RALGAPA2: variants seen among roughly 807,000 people sequenced by gnomAD.
RALGAPA2 encodes Ral GTPase activating protein catalytic subunit alpha 2.
A neutral mutation model predicts 230.4 loss-of-function variants in RALGAPA2; 139 were observed. The ratio of observed to expected loss-of-function variants is 0.60; its 90% CI spans 0.53 to 0.69. The LOEUF (loss-of-function observed/expected upper bound fraction) is 0.69. Among genes scored for constraint, RALGAPA2 ranks in the 30% least tolerant of loss-of-function variants. The pLI is 0.00. For synonymous variants in RALGAPA2, 847 were observed against 837.8 expected (o/e 1.01, Z -0.19); for missense variants, 2,163 against 2,276.0 (o/e 0.95, Z 1.01).
At chr20:20,483,458 G>A (rs757467574) in intron 36 of RALGAPA2, among the ~76,000 whole-genome samples, 8 of 152,194 alleles carry the variant, frequency 5.3e-5, no homozygotes, top group Non-Finnish European at 1.0e-4. Context: ...TTCCATGTAA[G>A]TGCCTGGCCA....
chr20:20,441,291 A>G (rs2060733334), intron 37 of RALGAPA2, among the ~76,000 whole-genome samples: 1 of 152,252 alleles, frequency 6.6e-6, no homozygotes, highest in Non-Finnish European at 1.5e-5. Flanking sequence ...AGAAAATGAA[A>G]GAGAAGGAAA....
At chr20:20,676,336 A>C (rs769245707) in intron 2 of RALGAPA2, 48 bp from the exon 3 acceptor site, 2 of 1,273,376 alleles carry the variant, frequency 1.6e-6, no homozygotes, top group South Asian at 1.3e-5. Context: ...TTTAAACTTC[A>C]GGACACTACA....
intron 23 of RALGAPA2, among the ~76,000 whole-genome samples, chr20:20,552,453 G>A (rs1406524932): frequency 6.6e-6 from 1 of 152,152 alleles, no homozygotes; most frequent in East Asian, 1.9e-4. Context: ...ATTCATCACT[G>A]TTTTTTAGAG....
In RALGAPA2 at chr20:20,461,831, C is replaced by T. The variant is rs1051920116; in HGVS notation, c.5495+10998G>A. 2.1e-4 allele frequency among the ~76,000 whole-genome samples: 32 copies of T among 152,138 alleles called. 1 individual carries two copies. The highest frequency in any genetic ancestry group is 7.5e-4 in the African/African-American group (31 of 41,420). On this transcript the variant is annotated intron_variant, in intron 37 of 39. Coordinates refer to ENST00000202677, the MANE Select transcript of RALGAPA2 (RefSeq NM_020343.4). ...TCCAGGCATACATCTGCCTCAAAGCCGGGATGCACTGATATACTCACATCC... is the reference window on the plus strand; with the variant it reads ...TCCAGGCATACATCTGCCTCAAAGCTGGGATGCACTGATATACTCACATCC...
intron 1 of RALGAPA2, among the ~76,000 whole-genome samples, chr20:20,698,215 A>G (rs1335686733): frequency 6.6e-6 from 1 of 152,084 alleles, no homozygotes; most frequent in Non-Finnish European, 1.5e-5. Context: ...AGATAGAGGT[A>G]GCAGTTGCAA....
At chr20:20,425,830 A>C (rs2060371513) in intron 37 of RALGAPA2, among the ~76,000 whole-genome samples, 1 of 152,194 alleles carries the variant, frequency 6.6e-6, no homozygotes, top group Admixed American at 6.5e-5. Context: ...TAATAACACA[A>C]AGCTCCCTCA....
chr20:20,536,799 G>T lies in RALGAPA2; in HGVS notation c.3286-15C>A. ...GAACGAGGCGCCTGCACATAAGGAA[G>T]AGGAGCACACACATTTCTCTTTTTG... is the stretch of plus-strand genomic sequence containing the variant. On this transcript the variant is annotated splice_polypyrimidine_tract_variant and intron_variant, in intron 24 of 39. Coordinates refer to ENST00000202677, the MANE Select transcript of RALGAPA2 (RefSeq NM_020343.4). The T allele has an allele frequency of 6.2e-7, 1 of 1,608,140 alleles. No individual in the cohort carries two copies. Among genetic ancestry groups the T allele is most frequent in the South Asian group, 1.1e-5 (1 of 90,470 alleles).
At chr20:20,492,642 T>G (rs1056764826) in intron 36 of RALGAPA2, among the ~76,000 whole-genome samples, 1 of 152,202 alleles carries the variant, frequency 6.6e-6, no homozygotes, top group Non-Finnish European at 1.5e-5. Context: ...GCCCGCAGCA[T>G]GTCCCTGGCG....
intron 38 of RALGAPA2, among the ~76,000 whole-genome samples, chr20:20,409,626 G>A (rs1461553643): frequency 6.6e-6 from 1 of 152,148 alleles, no homozygotes; most frequent in African/African-American, 2.4e-5. Context: ...GGGTTTGATC[G>A]CCCTTGTCCC....
chr20:20,403,189 C>T lies in RALGAPA2; in HGVS notation c.5618-6455G>A, dbSNP rs6132297. On this transcript the variant is annotated intron_variant, in intron 38 of 39. Coordinates refer to ENST00000202677, the MANE Select transcript of RALGAPA2 (RefSeq NM_020343.4). ...TTCAGCTCCTGAGAGCAGACACTGCCGTCTCCTTTCCCGTCTGGAAGGTGA... is the reference window on the plus strand; with the variant it reads ...TTCAGCTCCTGAGAGCAGACACTGCTGTCTCCTTTCCCGTCTGGAAGGTGA... Among the ~76,000 whole-genome samples, 40 of 152,322 alleles carry T rather than the reference C, an allele frequency of 2.6e-4. No individual in the cohort carries two copies. The East Asian group carries it at 5.4e-3, about 21-fold the overall frequency.
In RALGAPA2 at chr20:20,601,688, CT is replaced by C. The variant is rs2065657704; in HGVS notation, c.2196del (p.Ala733GlnfsTer73). ...VEKARNIVRQ[K>X]ATEVEECQQS... ...CATTTAAATAAATGTTTACCAGTTG[CT>C]TTTTGGCGAACAATATTTCTTGCCT... On this transcript the variant is annotated frameshift_variant, in exon 16 of 40. Coordinates refer to ENST00000202677, the MANE Select transcript of RALGAPA2 (RefSeq NM_020343.4). LOFTEE classifies it high-confidence loss of function. 6.2e-7 allele frequency: 1 copy of C among 1,609,332 alleles called. No homozygotes were observed. The highest frequency in any genetic ancestry group is 8.5e-7 in the Non-Finnish European group (1 of 1,178,350).
At chr20:20,707,045 T>C (rs2069636745) in intron 1 of RALGAPA2, among the ~76,000 whole-genome samples, 1 of 152,164 alleles carries the variant, frequency 6.6e-6, no homozygotes, top group South Asian at 2.1e-4. Flanking sequence ...TCTTGCCTTT[T>C]CTTAAACTCA....
chr20:20,603,055 G>A lies in RALGAPA2; in HGVS notation c.2039-1209C>T, dbSNP rs546273426. On this transcript the variant is annotated intron_variant, in intron 15 of 39. Transcript: ENST00000202677. ...CCCCGGGTTTACACAAAGGTCCTCA[G>A]AGCTGTCAGAGAGGACTAGATGGAC... Among the ~76,000 whole-genome samples, 3 of 152,262 alleles carry A rather than the reference G, an allele frequency of 2.0e-5. No individual in the cohort carries two copies. The South Asian group carries it at 6.2e-4, about 32-fold the overall frequency.
intron 23 of RALGAPA2, among the ~76,000 whole-genome samples, chr20:20,564,964 G>A: frequency 6.6e-6 from 1 of 152,124 alleles, no homozygotes; most frequent in East Asian, 1.9e-4. Context: ...CTTTAACAAA[G>A]TTAGCCTTCT....
chr20:20,466,009 A>G (rs2061413807), intron 37 of RALGAPA2, among the ~76,000 whole-genome samples: 1 of 152,266 alleles, frequency 6.6e-6, no homozygotes, highest in Non-Finnish European at 1.5e-5. Context: ...ACCAAGGAAC[A>G]GGCACTGTTT....
chr20:20,541,727 G>C (rs919907397), intron 24 of RALGAPA2, among the ~76,000 whole-genome samples: 1 of 152,170 alleles, frequency 6.6e-6, no homozygotes, highest in African/African-American at 2.4e-5. Flanking sequence ...ATCAGAAAGT[G>C]AAACTGAGGA....
At chr20:20,506,857 C>G (rs909413151) in intron 33 of RALGAPA2, among the ~76,000 whole-genome samples, 3 of 152,078 alleles carry the variant, frequency 2.0e-5, no homozygotes, top group Admixed American at 6.5e-5. Flanking sequence ...ATACAAATAA[C>G]TGGAGGAAGA....
At chr20:20,689,305 T>G (rs1341676075) in intron 1 of RALGAPA2, among the ~76,000 whole-genome samples, 2 of 152,250 alleles carry the variant, frequency 1.3e-5, no homozygotes, top group Admixed American at 1.3e-4. Context: ...AATGTAAAAC[T>G]TAAGGCATAA....
At chr20:20,426,281 T>C (rs2060380673) in intron 37 of RALGAPA2, among the ~76,000 whole-genome samples, 1 of 152,218 alleles carries the variant, frequency 6.6e-6, no homozygotes, top group Admixed American at 6.5e-5. Context: ...ATTTTTATGT[T>C]TGCTGTCAAG....
Sources: allele counts gnomAD v4.1 joint callset (sites outside exome capture counted in the v4.1 genomes callset), GRCh38; gene constraint gnomAD v4.1.1; transcripts MANE v1.5; gene names NCBI Gene and HGNC (gene_info 2026-07-23, HGNC 2026-07-21).